The following CD46 variants were observed in gnomAD, a reference collection of about 807,000 sequenced individuals.
CD46 encodes the protein membrane cofactor protein.
Under a neutral mutation model 53.3 loss-of-function variants are expected in CD46, and 30 were observed. That is an observed-to-expected ratio of 0.56 (90% CI 0.42 to 0.76). CD46 has a LOEUF of 0.76. CD46 is among the 30% of genes least tolerant of loss of function. The pLI, the probability that CD46 is intolerant of heterozygous loss-of-function variation, is 0.00. For missense variants in CD46, 409 were observed against 463.0 expected, an observed-to-expected ratio of 0.88 and a Z score of 1.07; for synonymous variants, 142 against 152.0, an observed-to-expected ratio of 0.93 and a Z score of 0.48.
At chr1:207,759,460 ACT>A (rs1160014246) in intron 3 of CD46, among the ~76,000 whole-genome samples, 177 bp from the exon 4 acceptor site, 2 of 152,122 alleles carry the variant, frequency 1.3e-5, no homozygotes, top group African/African-American at 2.4e-5. Flanking sequence ...AAATGGGGAA[ACT>A]CTATTTGATT....
At chr1:207,776,017 C>T (rs1658063081) in intron 8 of CD46, among the ~76,000 whole-genome samples, 1 of 152,198 alleles carries the variant, frequency 6.6e-6, no homozygotes, top group South Asian at 2.1e-4. Context: ...GCGGTGGGCT[C>T]CTCCAGTTTG....
intron 6 of CD46, chr1:207,767,434 A>T: frequency 1.4e-6 from 1 of 715,698 alleles, no homozygotes; most frequent in South Asian, 1.6e-5. Context: ...TGTACATTGC[A>T]TGGGTATATG....
At chr1:207,787,448 T>G (rs1452974655) in intron 11 of CD46, among the ~76,000 whole-genome samples, 2 of 152,208 alleles carry the variant, frequency 1.3e-5, no homozygotes, top group Non-Finnish European at 2.9e-5. Context: ...AGTAGTGAAC[T>G]GAGATTCCAA....
In CD46 at chr1:207,752,316, C is replaced by A. The variant is rs779446381; in HGVS notation, c.97+7C>A. The A allele has an allele frequency of 2.5e-5, 40 of 1,612,914 alleles. No individual in the cohort carries two copies. The highest frequency in any genetic ancestry group is 3.4e-6 in the Non-Finnish European group (4 of 1,179,104). Reference sequence around the variant, plus strand: ...CTGCTGTACTCCTTCTCCGGTAGGACCCCGGGGCGGGTTCGCGCGTCCGCG... The same window carrying A: ...CTGCTGTACTCCTTCTCCGGTAGGAACCCGGGGCGGGTTCGCGCGTCCGCG... On this transcript the variant is annotated splice_region_variant and intron_variant, in intron 1 of 12. Coordinates refer to ENST00000367042, the MANE Select transcript of CD46 (RefSeq NM_172351.3). The surrounding 1 kb of genome is among the most constrained non-coding windows in gnomAD (Gnocchi z 4.1).
chr1:207,753,382 A>C (rs1185624387), intron 1 of CD46, among the ~76,000 whole-genome samples: 9 of 152,226 alleles, frequency 5.9e-5, no homozygotes, highest in Admixed American at 5.9e-4. Context: ...TTAAAAATGC[A>C]TGCTAGGCCA....
At chr1:207,783,155 A>T in intron 8 of CD46, 137 bp from the exon 9 acceptor site, 1 of 523,174 alleles carries the variant, frequency 1.9e-6, no homozygotes, top group African/African-American at 1.9e-5. Context: ...AATATAGTTT[A>T]TAAGGAAAAT....
chr1:207,779,089 T>G (rs1293018086), intron 8 of CD46, among the ~76,000 whole-genome samples: 1 of 152,204 alleles, frequency 6.6e-6, no homozygotes, highest in Non-Finnish European at 1.5e-5. Flanking sequence ...TCAGTTTGGC[T>G]GTTGTTGGTG....
intron 12 of CD46, among the ~76,000 whole-genome samples, chr1:207,793,089 A>G (rs984844830): frequency 1.2e-4 from 18 of 152,294 alleles, no homozygotes; most frequent in African/African-American, 4.1e-4. Flanking sequence ...GGAATACATG[A>G]TTTTCTTGAC....
chr1:207,771,154 T>C (rs1044289564), intron 8 of CD46, among the ~76,000 whole-genome samples: 6 of 152,264 alleles, frequency 3.9e-5, no homozygotes, highest in African/African-American at 1.4e-4. Context: ...TGACCAGTGA[T>C]GATGAGCATT....
intron 8 of CD46, among the ~76,000 whole-genome samples, chr1:207,780,911 G>A (rs914207756): frequency 6.6e-6 from 1 of 151,808 alleles, no homozygotes; most frequent in Non-Finnish European, 1.5e-5. Context: ...ATGATGGAAG[G>A]CATCACATGG....
chr1:207,755,924 T>G (rs1655486604), intron 1 of CD46, among the ~76,000 whole-genome samples: 1 of 152,200 alleles, frequency 6.6e-6, no homozygotes, highest in African/African-American at 2.4e-5. Context: ...CTACTCTGAG[T>G]GACATATTGT....
At chr1:207,763,146 C>G (rs6671947) in intron 5 of CD46, 14,302 of 152,450 alleles carry the variant, frequency 0.094, 917 homozygotes, top group Admixed American at 0.17. Context: ...TGGGAGGTGG[C>G]CCTGCAAAGC....
At chr1:207,761,482 A>G in intron 5 of CD46, 36 bp downstream of exon 5, 2 of 1,532,200 alleles carry the variant, frequency 1.3e-6, no homozygotes, top group Non-Finnish European at 1.8e-6. Context: ...TCATTTGTAA[A>G]TACTATGGAA....
At chr1:207,765,650 C>T (rs1288695240) in intron 5 of CD46, among the ~76,000 whole-genome samples, 1 of 152,160 alleles carries the variant, frequency 6.6e-6, no homozygotes, top group Non-Finnish European at 1.5e-5. Flanking sequence ...GAAATGTAAA[C>T]ACACACACCC....
chr1:207,767,926 A>C, intron 7 of CD46, 103 bp downstream of exon 7: 1 of 945,092 alleles, frequency 1.1e-6, no homozygotes, highest in Admixed American at 1.8e-5. Context: ...TATTTTTAGT[A>C]ATGAAAGGAG....
At position 207,767,138 on chromosome 1, in the gene CD46, A is replaced by G. The variant is rs755419614; in HGVS notation, c.799A>G (p.Thr267Ala). The change falls in exon 6 of 13, where the codon ACA becomes GCA. Residue 267 changes from threonine (T) to alanine (A), a missense_variant. Thr to Ala is a moderately conservative substitution (Grantham distance 58). Transcript: ENST00000367042. Reference sequence around the variant, plus strand: ...GGGTTTTTACCTCGATGGCAGCGACACAATTGTCTGTGACAGTAACAGTAC... The same window carrying G: ...GGGTTTTTACCTCGATGGCAGCGACGCAATTGTCTGTGACAGTAACAGTAC... ...DKGFYLDGSD[T>A]IVCDSNSTWD... 11 of 1,613,820 alleles carry G rather than the reference A, an allele frequency of 6.8e-6. No individual in the cohort carries two copies. In the Admixed American group the frequency reaches 1.0e-4, roughly 15 times the overall value.
intron 5 of CD46, 43 bp from the exon 6 acceptor site, chr1:207,766,970 A>G (rs1409759847): frequency 5.3e-6 from 8 of 1,498,480 alleles, no homozygotes; most frequent in Non-Finnish European, 7.4e-6. Flanking sequence ...TTTTTCTGCT[A>G]AAGCAGATAT....
chr1:207,785,272 G>A (rs574398833), intron 10 of CD46, among the ~76,000 whole-genome samples, 166 bp downstream of exon 10: 6 of 152,290 alleles, frequency 3.9e-5, no homozygotes, highest in African/African-American at 1.2e-4. Context: ...CCTACCTTGT[G>A]TTAGTGATTT....
chr1:207,752,110 T>G lies in CD46; in HGVS notation c.-103T>G. On this transcript the variant is annotated 5_prime_UTR_variant, in exon 1 of 13. Coordinates refer to ENST00000367042, the MANE Select transcript of CD46 (RefSeq NM_172351.3). The surrounding 1 kb of genome is among the most constrained non-coding windows in gnomAD (Gnocchi z 4.1). ...CACTGGATGCTTTGTGAGTTGGGGA[T>G]TGTTGCGTCCCATATCTGGACCCAG... is the stretch of plus-strand genomic sequence containing the variant. 9.4e-7 allele frequency: 1 copy of G among 1,063,598 alleles called. No individual in the cohort carries two copies. The allele number at this position is 1,063,598 out of a possible 1,614,324, so 65.9% of individuals were successfully genotyped here.
Sources: allele counts gnomAD v4.1 joint callset (sites outside exome capture counted in the v4.1 genomes callset), GRCh38; gene constraint gnomAD v4.1.1; non-coding constraint Gnocchi (gnomAD v3.1); transcripts MANE v1.5; gene names NCBI Gene and HGNC (gene_info 2026-07-23, HGNC 2026-07-21).